PCDHA9: variants seen among roughly 807,000 people sequenced by gnomAD.
PCDHA9 encodes protocadherin alpha-9.
PCDHA9 carries 62 observed loss-of-function variants against 62.0 expected under a neutral mutation model. That is an observed-to-expected ratio of 1.00 (90% confidence interval 0.81 to 1.23). The LOEUF is 1.23. Ranked by LOEUF, PCDHA9 falls within the 50% of genes most tolerant of loss-of-function variation. The pLI is 0.00. For synonymous variants in PCDHA9, 557 were observed against 567.6 expected (o/e 0.98, Z 0.27); for missense variants, 1,205 against 1,249.8 (o/e 0.96, Z 0.54).
At chr5:140,943,861 A>AG (rs2093579644) in intron 1 of PCDHA9, among the ~76,000 whole-genome samples, 1 of 152,230 alleles carries the variant, frequency 6.6e-6, no homozygotes, top group South Asian at 2.1e-4. Flanking sequence ...AGTCAAGAAG[A>AG]GGTCTCTGAA....
intron 1 of PCDHA9, among the ~76,000 whole-genome samples, chr5:140,956,772 GT>G (rs2095308990): frequency 6.6e-6 from 1 of 152,202 alleles, no homozygotes; most frequent in African/African-American, 2.4e-5. Context: ...AATCTGTCTG[GT>G]CCTGGGCTTT....
intron 1 of PCDHA9, among the ~76,000 whole-genome samples, chr5:140,923,820 C>T (rs892649324): frequency 5.3e-4 from 80 of 152,224 alleles, no homozygotes; most frequent in African/African-American, 1.6e-3. Context: ...TGAAAATAGA[C>T]GTCAGTGGCA....
At chr5:140,858,318 G>T in intron 1 of PCDHA9, 1 of 1,597,070 alleles carries the variant, frequency 6.3e-7, no homozygotes, top group Non-Finnish European at 8.6e-7. Context: ...CAGAGGGTGT[G>T]TTCTGGGGAG....
At chr5:140,882,675 G>C in intron 1 of PCDHA9, 1 of 1,614,218 alleles carries the variant, frequency 6.2e-7, no homozygotes, top group East Asian at 2.2e-5. Flanking sequence ...TTCCCTGAAA[G>C]CAAGAAACGA....
chr5:140,960,331 A>G (rs1157705398), intron 1 of PCDHA9, among the ~76,000 whole-genome samples: 1 of 152,230 alleles, frequency 6.6e-6, no homozygotes, highest in African/African-American at 2.4e-5. Flanking sequence ...TGTGAGAAGT[A>G]CATGAGGTGA....
chr5:140,919,706 C>T (rs2079272649), intron 1 of PCDHA9, among the ~76,000 whole-genome samples: 1 of 152,048 alleles, frequency 6.6e-6, no homozygotes, highest in African/African-American at 2.4e-5. Flanking sequence ...TAACTTAATT[C>T]TAGTGAGATA....
In PCDHA9 at chr5:140,856,896, T is replaced by C. The variant is rs2044262669; in HGVS notation, c.2394+6007T>C. 1.3e-6 allele frequency: 2 copies of C among 1,596,700 alleles called. No homozygotes were observed. Among genetic ancestry groups the C allele is most frequent in the African/African-American group, 1.3e-5 (1 of 74,376 alleles). ...GAAATGATGTATTCATTTAGCTCTT[T>C]GGTCCCACCCACGATAAGAAGGAAA... is the stretch of plus-strand genomic sequence containing the variant. On this transcript the variant is annotated intron_variant, in intron 1 of 3. Transcript: ENST00000532602.
chr5:140,936,846 T>C (rs1385625641), intron 1 of PCDHA9, among the ~76,000 whole-genome samples: 1 of 152,206 alleles, frequency 6.6e-6, no homozygotes, highest in Non-Finnish European at 1.5e-5. Context: ...AATTGTAGAT[T>C]CAGCTTCTCA....
chr5:140,871,255 A>G (rs201468806), intron 1 of PCDHA9: 9 of 1,613,976 alleles, frequency 5.6e-6, no homozygotes, highest in Non-Finnish European at 7.6e-6. Context: ...GCTGCTGTAT[A>G]CGGCGCTGTG....
intron 3 of PCDHA9, among the ~76,000 whole-genome samples, chr5:141,004,794 G>A (rs1272334301): frequency 6.6e-6 from 1 of 152,144 alleles, no homozygotes; most frequent in Non-Finnish European, 1.5e-5. Context: ...GGCAGATTCT[G>A]GCTGAGCTCA....
At chr5:140,990,445 A>C (rs1212288513) in intron 3 of PCDHA9, among the ~76,000 whole-genome samples, 2 of 152,140 alleles carry the variant, frequency 1.3e-5, no homozygotes, top group Non-Finnish European at 2.9e-5. Context: ...TTGTGTCCAG[A>C]GCTGTTGCTG....
chr5:140,930,423 A>G (rs1366004853), intron 1 of PCDHA9: 3 of 151,862 alleles, frequency 2.0e-5, no homozygotes, highest in African/African-American at 7.3e-5. Flanking sequence ...GGGTCTCACT[A>G]TGTTGCCCAG....
chr5:140,981,779 A>G (rs1231046614), intron 2 of PCDHA9, among the ~76,000 whole-genome samples: 2 of 151,974 alleles, frequency 1.3e-5, no homozygotes, highest in Non-Finnish European at 2.9e-5. Flanking sequence ...ATACTGCACC[A>G]TGTTCTCTTT....
At chr5:140,877,828 C>T (rs781916987) in intron 1 of PCDHA9, 19 of 1,599,838 alleles carry the variant, frequency 1.2e-5, no homozygotes, top group Non-Finnish European at 1.5e-5. Flanking sequence ...TTGTTTAAAT[C>T]CTCCCAGTGA....
chr5:141,001,360 A>G (rs1432580617), intron 3 of PCDHA9, among the ~76,000 whole-genome samples: 2 of 152,212 alleles, frequency 1.3e-5, no homozygotes, highest in Non-Finnish European at 2.9e-5. Flanking sequence ...GTTTAAGCCT[A>G]CTATTCTGAT....
intron 1 of PCDHA9, chr5:140,870,343 C>T (rs375366430): frequency 1.9e-6 from 3 of 1,614,160 alleles, no homozygotes; most frequent in African/African-American, 2.7e-5. Flanking sequence ...CGCCCTGGAC[C>T]GCGAGAACGT....
At chr5:140,985,127 C>T (rs986497777) in intron 3 of PCDHA9, among the ~76,000 whole-genome samples, 7 of 152,152 alleles carry the variant, frequency 4.6e-5, no homozygotes, top group Non-Finnish European at 1.0e-4. Flanking sequence ...TTAGTAAAGA[C>T]GGGGTTTCAC....
chr5:140,871,607 AT>A, intron 1 of PCDHA9: 1 of 1,438,710 alleles, frequency 7.0e-7, no homozygotes. Flanking sequence ...AGTGTTTTGA[AT>A]ATTGTTTTAG....
chr5:140,898,593 C>A (rs1236439193), intron 1 of PCDHA9, among the ~76,000 whole-genome samples: 13 of 152,146 alleles, frequency 8.5e-5, no homozygotes, highest in Admixed American at 1.3e-4. Flanking sequence ...GTTACTGTAG[C>A]CTTGTAGTAT....
Sources: gnomAD v4.1 joint callset for allele counts (sites outside exome capture counted in the v4.1 genomes callset) on GRCh38, gnomAD v4.1.1 for gene constraint, MANE v1.5 for transcripts, NCBI Gene and HGNC (gene_info 2026-07-23, HGNC 2026-07-21) for gene names.